The following RIN3 variants were observed in gnomAD, a reference collection of about 807,000 sequenced individuals.
RIN3 encodes RAB5 interacting protein 3.
In RIN3, 54 loss-of-function variants were observed where a neutral mutation model predicts 76.3. The observed-to-expected ratio is 0.71, with a 90% CI of 0.57 to 0.89. The LOEUF is 0.89. Ranked by LOEUF, RIN3 falls within the 40% of genes least tolerant of loss-of-function variation. RIN3 has a pLI of 0.00. For missense variants in RIN3, 1,256 were observed against 1,322.1 expected (o/e 0.95, Z 0.78); for synonymous variants, 576 against 564.0 (o/e 1.02, Z -0.30).
At chr14:92,575,407 GTT>G (rs1163749443) in intron 2 of RIN3, among the ~76,000 whole-genome samples, 2 of 152,162 alleles carry the variant, frequency 1.3e-5, no homozygotes, top group Non-Finnish European at 2.9e-5. Context: ...GTGAAAGCAA[GTT>G]TATTAGAGAA....
rs186550680 is a variant in RIN3, at chr14:92,648,897, G to A, written c.533-2685G>A. ...TGAAGGATGAGTAAGCATTTGCCAG[G>A]TGGAGAGGGTGGGAAAAGGATTCCA... is the stretch of plus-strand genomic sequence containing the variant. On this transcript the variant is annotated intron_variant, in intron 5 of 9. Transcript: ENST00000216487. The surrounding 1 kb of genome is among the most constrained non-coding windows in gnomAD (Gnocchi z 4.1). Among the ~76,000 whole-genome samples the A allele has an allele frequency of 6.6e-6, 1 of 152,338 alleles. No homozygotes were observed. Among genetic ancestry groups the A allele is most frequent in the Non-Finnish European group, 1.5e-5 (1 of 68,028 alleles).
chr14:92,540,951 C>G (rs1897119078), intron 1 of RIN3, among the ~76,000 whole-genome samples: 1 of 152,236 alleles, frequency 6.6e-6, no homozygotes, highest in South Asian at 2.1e-4. Context: ...CTAGCAGATT[C>G]CTGCATTCTT....
chr14:92,537,634 CTTTTTTT>C (rs576683908), intron 1 of RIN3, among the ~76,000 whole-genome samples: 18 of 51,638 alleles, frequency 3.5e-4, no homozygotes, highest in East Asian at 7.9e-4. Flanking sequence ...GCCTTAGGGA[CTTTTTTT>C]TTTTTTTTTT....
chr14:92,556,452 T>C (rs1173330764), intron 2 of RIN3, among the ~76,000 whole-genome samples: 1 of 152,142 alleles, frequency 6.6e-6, no homozygotes, highest in African/African-American at 2.4e-5. Flanking sequence ...ACGGCTTAAA[T>C]TTTCTAAGCC....
At chr14:92,655,383 G>GGAGA (rs150982235) in intron 6 of RIN3, among the ~76,000 whole-genome samples, 1 of 151,688 alleles carries the variant, frequency 6.6e-6, no homozygotes, top group Non-Finnish European at 1.5e-5. Flanking sequence ...AGAGACAAAG[G>GGAGA]GAGAGAGAGA....
chr14:92,676,599 G>C lies in RIN3; in HGVS notation c.2460G>C (p.Leu820=). Residue 820 remains leucine, a synonymous_variant, in exon 8 of 10, where the codon CTG becomes CTC. Transcript: ENST00000216487. ...AGCTCATGGACCCCGCCCTGCAGCT[G>C]GGGGAGGGTGAGTCACCACCCCCTG... ...MMELMDPALQ[L]GEGSYYLTTT... is the part of the protein sequence containing the mutation. The C allele has an allele frequency of 1.9e-6, 3 of 1,613,104 alleles. No homozygotes were observed. Among genetic ancestry groups the C allele is most frequent in the Non-Finnish European group, 2.5e-6 (3 of 1,179,584 alleles).
chr14:92,651,662 C>A lies in RIN3; in HGVS notation c.613C>A (p.Pro205Thr). 6.2e-7 allele frequency: 1 copy of A among 1,613,952 alleles called. No homozygotes were observed. The highest frequency in any genetic ancestry group is 8.5e-7 in the Non-Finnish European group (1 of 1,179,894). ...CCCAAGAGACCGGGCCCCCGGATTC[C>A]CCCTAGTCTCCAGCCTCAGGCCCAC... ...EPPRDRAPGF[P>T]LVSSLRPTAH... Residue 205 changes from proline (P) to threonine (T), a missense_variant, in exon 6 of 10, where the codon CCC (proline) becomes ACC (threonine). Around this residue, in one of 3 missense-constraint regions of RIN3, gnomAD observed 610 missense variants for 626.4 expected, o/e 0.97. Transcript: ENST00000216487.
chr14:92,587,519 C>G (rs1170418786), intron 3 of RIN3, among the ~76,000 whole-genome samples: 1 of 152,212 alleles, frequency 6.6e-6, no homozygotes, highest in African/African-American at 2.4e-5. Context: ...ATCTAGAACA[C>G]ATGGCCTCAG....
intron 2 of RIN3, among the ~76,000 whole-genome samples, chr14:92,564,525 A>G (rs1194039972): frequency 1.3e-5 from 2 of 152,196 alleles, no homozygotes; most frequent in Non-Finnish European, 2.9e-5. Context: ...CCCTTGCTAT[A>G]GACTGGAAAA....
rs142319356 is a variant in RIN3, at chr14:92,610,356, C to T, written c.368-5051C>T. Among the ~76,000 whole-genome samples the T allele has an allele frequency of 6.6e-5, 10 of 152,284 alleles. No individual in the cohort carries two copies. The South Asian group carries it at 8.3e-4, about 13-fold the overall frequency. On this transcript the variant is annotated intron_variant, in intron 3 of 9. Coordinates refer to ENST00000216487, the MANE Select transcript of RIN3 (RefSeq NM_024832.5). ...CCCCCTACCCCCAGCCCTAAGCAACCGCTGATATCCTTTCTGTCTCTGTTT... is the reference window on the plus strand; with the variant it reads ...CCCCCTACCCCCAGCCCTAAGCAACTGCTGATATCCTTTCTGTCTCTGTTT...
chr14:92,661,756 CACAA>C (rs1236368139), intron 7 of RIN3, among the ~76,000 whole-genome samples: 5,534 of 118,728 alleles, frequency 0.047, 280 homozygotes, highest in African/African-American at 0.13. Flanking sequence ...CACACACACA[CACAA>C]AAAATAGAAT....
At chr14:92,603,533 G>A (rs1885418092) in intron 3 of RIN3, among the ~76,000 whole-genome samples, 1 of 152,220 alleles carries the variant, frequency 6.6e-6, no homozygotes. Flanking sequence ...CAAGTCTCAA[G>A]AGTCTCATGG....
At chr14:92,572,408 A>G (rs990126414) in intron 2 of RIN3, among the ~76,000 whole-genome samples, 4 of 152,212 alleles carry the variant, frequency 2.6e-5, no homozygotes, top group Non-Finnish European at 5.9e-5. Context: ...AGTTTGTGAG[A>G]TGTAATCGAG....
At chr14:92,599,974 A>G (rs557061593) in intron 3 of RIN3, among the ~76,000 whole-genome samples, 57 of 152,272 alleles carry the variant, frequency 3.7e-4, no homozygotes, top group South Asian at 3.1e-3. Context: ...GCCAACTGAG[A>G]GACTTCTCTT....
rs764966085 is a variant in RIN3, at chr14:92,688,169, G to C, written c.2875G>C (p.Val959Leu). ...RSEPKRDFHFVYRPLDGGGGG... is the reference protein window; with the variant it reads ...RSEPKRDFHFLYRPLDGGGGG... ...CGAGCCCAAGCGCGACTTCCACTTT[G>C]TCTACCGGCCCCTGGACGGTGGTGG... is the stretch of plus-strand genomic sequence containing the variant. The change falls in exon 10 of 10, where the codon GTC becomes CTC. Residue 959 changes from valine (V) to leucine (L), a missense_variant. By Grantham distance (32) the Val-to-Leu change is conservative. This residue lies in a region of RIN3 where 218 missense variants were observed against 174.5 expected (regional missense o/e 1.25). Transcript: ENST00000216487. The C allele has an allele frequency of 6.2e-7, 1 of 1,607,396 alleles. No individual in the cohort carries two copies. Among genetic ancestry groups the C allele is most frequent in the Non-Finnish European group, 8.5e-7 (1 of 1,178,324 alleles).
chr14:92,640,992 G>A (rs1290191163), intron 4 of RIN3, among the ~76,000 whole-genome samples: 3 of 152,098 alleles, frequency 2.0e-5, no homozygotes, highest in Non-Finnish European at 2.9e-5. Flanking sequence ...CCAAGGAGAA[G>A]CAGTGACCCC....
intron 1 of RIN3, among the ~76,000 whole-genome samples, chr14:92,529,677 A>C (rs1896833742): frequency 6.6e-6 from 1 of 152,242 alleles, no homozygotes; most frequent in South Asian, 2.1e-4. Context: ...CCTGTGCTGC[A>C]AACAAGTGTC....
chr14:92,685,302 G>A lies in RIN3; in HGVS notation c.2631+152G>A. The stretch of plus-strand genomic sequence containing the variant: ...GTGAGACTCCCCACACCAGAGGAAG[G>A]GCCCCCAGCCCCTGCTGCCAGTGTG... On this transcript the variant is annotated intron_variant, in intron 9 of 9. Coordinates refer to ENST00000216487, the MANE Select transcript of RIN3 (RefSeq NM_024832.5). The surrounding 1 kb of genome is among the most constrained non-coding windows in gnomAD (Gnocchi z 4.7). The A allele has an allele frequency of 1.3e-6, 1 of 774,440 alleles. No individual in the cohort carries two copies. Among genetic ancestry groups the A allele is most frequent in the South Asian group, 1.9e-5 (1 of 53,726 alleles). The allele number at this position is 774,440 out of a possible 1,614,324, so 48.0% of individuals were successfully genotyped here.
At chr14:92,677,386 G>T (rs906668309) in intron 8 of RIN3, among the ~76,000 whole-genome samples, 2 of 152,174 alleles carry the variant, frequency 1.3e-5, no homozygotes, top group African/African-American at 2.4e-5. Flanking sequence ...CTTCAAAGGA[G>T]GGAACCATCC....
Sources: allele counts gnomAD v4.1 joint callset (sites outside exome capture counted in the v4.1 genomes callset), GRCh38; gene constraint gnomAD v4.1.1; regional missense constraint gnomAD v4.1.1; non-coding constraint Gnocchi (gnomAD v3.1); transcripts MANE v1.5; gene names NCBI Gene and HGNC (gene_info 2026-07-23, HGNC 2026-07-21).